Variants in SCGB2B2 observed in about 807,000 individuals in gnomAD.
SCGB2B2 encodes the protein secretoglobin family 2B member 2, also known as secretoglobin-like protein.
A neutral mutation model predicts 7.6 loss-of-function variants in SCGB2B2; 11 were observed. That is an observed-to-expected ratio of 1.45 (90% CI 0.91 to 2.40). SCGB2B2 has a LOEUF of 2.40. Ranked by LOEUF, SCGB2B2 falls within the 30% of genes most tolerant of loss-of-function variation. SCGB2B2 has a pLI of 0.00. For missense variants in SCGB2B2, 104 were observed against 115.4 expected (o/e 0.90, Z 0.45); for synonymous variants, 50 against 48.6 (o/e 1.03, Z -0.12).
At chr19:34,604,936 G>A (rs2065737142) in intron 1 of SCGB2B2, among the ~76,000 whole-genome samples, 1 of 151,952 alleles carries the variant, frequency 6.6e-6, no homozygotes, top group South Asian at 2.1e-4. Context: ...TGACAGTTGT[G>A]AAAAACCAGA....
downstream of SCGB2B2, among the ~76,000 whole-genome samples, chr19:34,585,854 G>A (rs73036100): frequency 0.1 from 15,354 of 152,278 alleles, 1,028 homozygotes; most frequent in East Asian, 0.28. Flanking sequence ...CTACCATAGT[G>A]ATGGTATCTG....
chr19:34,631,321 ATT>A (rs11447671), intron 1 of SCGB2B2, among the ~76,000 whole-genome samples: 1 of 146,406 alleles, frequency 6.8e-6, no homozygotes, highest in Admixed American at 6.8e-5. Context: ...TTTTTTTACA[ATT>A]TTTTTTTTTT....
intron 1 of SCGB2B2, among the ~76,000 whole-genome samples, chr19:34,670,274 C>T (rs1191002047): frequency 6.6e-6 from 1 of 152,176 alleles, no homozygotes; most frequent in Non-Finnish European, 1.5e-5. Context: ...AGCATAATTA[C>T]ACCAAGTCGC....
chr19:34,604,404 G>C (rs1417794003), intron 1 of SCGB2B2, among the ~76,000 whole-genome samples: 1 of 152,216 alleles, frequency 6.6e-6, no homozygotes, highest in African/African-American at 2.4e-5. Context: ...ATGTTGATCA[G>C]ATTTGAGCCC....
rs1245059779 is a variant in SCGB2B2 at position 34,676,144 on chromosome 19, T to C, written c.-2546A>G. 1 of 152,216 alleles carries C rather than the reference T, an allele frequency of 6.6e-6. No individual in the cohort carries two copies. The highest frequency in any genetic ancestry group is 2.4e-5 in the African/African-American group (1 of 41,438). 9.4% of individuals were successfully genotyped at this position (152,216 alleles called of 1,614,324 possible). A position where few individuals can be genotyped will look rare whatever the true frequency, so the allele number is the denominator to read the frequency against. ...CTGATTGGTCTATTTTACAGAGTGC[T>C]GTTTGGTCCGTTTTTACAGAGTGCT... On this transcript the variant is annotated 5_prime_UTR_variant, in exon 1 of 4. Transcript: ENST00000601241.
rs1050153346 is a variant in SCGB2B2, at chr19:34,676,044, T to G, written c.-2446A>C. On this transcript the variant is annotated 5_prime_UTR_variant, in exon 1 of 4. Coordinates refer to ENST00000601241, the MANE Select transcript of SCGB2B2 (RefSeq NM_001025591.4). ...TAGACCCCAGCGCGGTTGCCGCTGG[T>G]TGTTCGGGTGGCCCGTTTTTATTCC... is the stretch of plus-strand genomic sequence containing the variant. 1 of 152,224 alleles carries G rather than the reference T, an allele frequency of 6.6e-6. No individual in the cohort carries two copies. Among genetic ancestry groups the G allele is most frequent in the Non-Finnish European group, 1.5e-5 (1 of 68,052 alleles). The allele number at this position is 152,224 out of a possible 1,614,324, so 9.4% of individuals were successfully genotyped here.
At chr19:34,636,853 C>T (rs1005254455) in intron 1 of SCGB2B2, among the ~76,000 whole-genome samples, 4 of 152,130 alleles carry the variant, frequency 2.6e-5, no homozygotes, top group Admixed American at 6.5e-5. Context: ...GCCAGAGTCC[C>T]TCCTCCCATA....
rs192067028 is a variant in SCGB2B2, at chr19:34,633,675, G to T, written c.-2031-37081C>A. Among the ~76,000 whole-genome samples the T allele has an allele frequency of 4.9e-3, 745 of 152,100 alleles. 11 individuals are homozygous for T. Among genetic ancestry groups the T allele is most frequent in the Non-Finnish European group, 3.3e-3 (221 of 67,984 alleles). On this transcript the variant is annotated intron_variant, in intron 1 of 3. Coordinates refer to ENST00000601241, the MANE Select transcript of SCGB2B2 (RefSeq NM_001025591.4). ...AGATGACTTTGCAGGTGATGAATCT[G>T]CTCATTATCATGATTATGGAGATGG...
In SCGB2B2 at chr19:34,656,004, A is replaced by C. The variant is rs139337158; in HGVS notation, c.-2032+19626T>G. Reference sequence around the variant, plus strand: ...GAATGAAGACTAACCCTGTTGGAATAAATATACATCACCTCTACATCCCCC... The same window carrying C: ...GAATGAAGACTAACCCTGTTGGAATCAATATACATCACCTCTACATCCCCC... On this transcript the variant is annotated intron_variant, in intron 1 of 3. Coordinates refer to ENST00000601241, the MANE Select transcript of SCGB2B2 (RefSeq NM_001025591.4). Among the ~76,000 whole-genome samples the C allele has an allele frequency of 3.3e-3, 504 of 151,372 alleles. 32 individuals carry two copies. Among genetic ancestry groups the C allele is most frequent in the African/African-American group, 0.012 (477 of 40,642 alleles).
At chr19:34,628,334 C>G (rs994849008) in intron 1 of SCGB2B2, among the ~76,000 whole-genome samples, 1 of 148,356 alleles carries the variant, frequency 6.7e-6, no homozygotes, top group African/African-American at 2.4e-5. Flanking sequence ...AATCCAGGAA[C>G]TGTTTTTTTG....
chr19:34,598,504 C>G (rs1401590574), intron 1 of SCGB2B2, among the ~76,000 whole-genome samples: 3 of 151,636 alleles, frequency 2.0e-5, no homozygotes, highest in African/African-American at 7.3e-5. Context: ...ACTTGGGCAT[C>G]CTGCAGAGGA....
chr19:34,605,613 C>G (rs544485911), intron 1 of SCGB2B2, among the ~76,000 whole-genome samples: 7 of 152,234 alleles, frequency 4.6e-5, no homozygotes, highest in Non-Finnish European at 4.4e-5. Flanking sequence ...GAGTTTTGCT[C>G]TTGTTGCCCA....
intron 1 of SCGB2B2, among the ~76,000 whole-genome samples, chr19:34,643,728 C>G (rs1176812495): frequency 6.6e-6 from 1 of 151,784 alleles, no homozygotes; most frequent in Non-Finnish European, 1.5e-5. Flanking sequence ...AAAACTATTC[C>G]TAGAATGATG....
chr19:34,638,849 C>T (rs974850660), intron 1 of SCGB2B2, among the ~76,000 whole-genome samples: 1 of 152,128 alleles, frequency 6.6e-6, no homozygotes, highest in Non-Finnish European at 1.5e-5. Flanking sequence ...AGGAAGATTG[C>T]CCTTAAACCC....
At chr19:34,668,468 G>A (rs530307812) in intron 1 of SCGB2B2, among the ~76,000 whole-genome samples, 34 of 152,282 alleles carry the variant, frequency 2.2e-4, no homozygotes, top group African/African-American at 7.0e-4. Context: ...CCTCCGAGAC[G>A]AGCGCCGCCC....
At chr19:34,606,047 ATTTT>A (rs747523207) in intron 1 of SCGB2B2, among the ~76,000 whole-genome samples, 2 of 150,062 alleles carry the variant, frequency 1.3e-5, no homozygotes, top group African/African-American at 2.4e-5. Flanking sequence ...AGTTACTAAA[ATTTT>A]TTTTTTATTT....
chr19:34,588,396 ATG>A (rs1444369244), downstream of SCGB2B2, among the ~76,000 whole-genome samples: 13 of 152,148 alleles, frequency 8.5e-5, no homozygotes, highest in Non-Finnish European at 1.8e-4. Flanking sequence ...TTCCTCAGTG[ATG>A]TGGCCGTCAC....
intron 1 of SCGB2B2, among the ~76,000 whole-genome samples, chr19:34,613,340 C>A (rs1490060926): frequency 6.6e-6 from 1 of 152,182 alleles, no homozygotes; most frequent in African/African-American, 2.4e-5. Context: ...CTCAAGTGAT[C>A]TGTCCCCCTT....
At chr19:34,606,776 A>G (rs1266005408) in intron 1 of SCGB2B2, among the ~76,000 whole-genome samples, 1 of 151,796 alleles carries the variant, frequency 6.6e-6, no homozygotes. Flanking sequence ...TCACTCAGTT[A>G]ATTTATAAAT....
Sources: gnomAD v4.1 joint callset for allele counts (sites outside exome capture counted in the v4.1 genomes callset) on GRCh38, gnomAD v4.1.1 for gene constraint, MANE v1.5 for transcripts, NCBI Gene and HGNC (gene_info 2026-07-23, HGNC 2026-07-21) for gene names.